Variants in LINGO2 observed in about 807,000 individuals in gnomAD.
The protein encoded by LINGO2 is leucine-rich repeat and immunoglobulin-like domain-containing nogo receptor-interacting protein 2.
In LINGO2, 14 loss-of-function variants were observed where a neutral mutation model predicts 30.6. That is an observed-to-expected ratio of 0.46 (90% confidence interval 0.30 to 0.72). The LOEUF (loss-of-function observed/expected upper bound fraction) is 0.72. Among genes scored for constraint, LINGO2 ranks in the 30% least tolerant of loss-of-function variants. The probability of loss-of-function intolerance (pLI) is 0.07; values close to 1 mark genes in which losing one functional copy is unlikely to be tolerated. For missense variants in LINGO2, 729 were observed against 751.7 expected (o/e 0.97, Z 0.35); for synonymous variants, 317 against 288.5 (o/e 1.10, Z -1.00).
intron 2 of LINGO2, among the ~76,000 whole-genome samples, chr9:28,397,705 G>A (rs942253925): frequency 1.3e-5 from 2 of 151,682 alleles, no homozygotes; most frequent in South Asian, 2.1e-4. Context: ...CCGCCACCAC[G>A]CCCAGCTAAT....
rs1276314770 is a variant in LINGO2, at chr9:28,535,876, T to C, written c.-364-59851A>G. Among the ~76,000 whole-genome samples, 6 of 152,276 alleles carry C rather than the reference T, an allele frequency of 3.9e-5. No homozygotes were observed. The East Asian group carries it at 1.2e-3, about 29-fold the overall frequency. On this transcript the variant is annotated intron_variant, in intron 1 of 5. Transcript: ENST00000379992. ...ATAATCTTGACGTTTCAGAGGAGGATTTAAACTTTTCACCTGGATTTGTAA... is the reference window on the plus strand; with the variant it reads ...ATAATCTTGACGTTTCAGAGGAGGACTTAAACTTTTCACCTGGATTTGTAA...
intron 1 of LINGO2, among the ~76,000 whole-genome samples, chr9:28,539,034 T>C (rs1821561890): frequency 6.6e-6 from 1 of 152,080 alleles, no homozygotes; most frequent in Non-Finnish European, 1.5e-5. Context: ...ATTTTTCAAT[T>C]ATATTTTTCT....
At chr9:28,764,543 G>C in the LINGO2 span, among the ~76,000 whole-genome samples, 1 of 151,790 alleles carries the variant, frequency 6.6e-6, no homozygotes, top group African/African-American at 2.4e-5. Flanking sequence ...ACATCTAATA[G>C]GATAATCAAC....
chr9:29,150,650 A>T, the LINGO2 span, among the ~76,000 whole-genome samples: 1 of 152,172 alleles, frequency 6.6e-6, no homozygotes, highest in Non-Finnish European at 1.5e-5. Context: ...ACCAGAACAG[A>T]CCAAGCTGAG....
the LINGO2 span, among the ~76,000 whole-genome samples, chr9:29,056,156 G>A: frequency 9.2e-5 from 14 of 151,804 alleles, no homozygotes; most frequent in Admixed American, 8.5e-4. Context: ...GGATCAAATG[G>A]TAGTTCTTTA....
chr9:28,331,703 A>T (rs1331922), intron 3 of LINGO2, among the ~76,000 whole-genome samples: 1 of 151,824 alleles, frequency 6.6e-6, no homozygotes, highest in Non-Finnish European at 1.5e-5. Flanking sequence ...ACAGAGTTTC[A>T]CCATGTTGCC....
chr9:28,319,153 C>T (rs1289165155), intron 3 of LINGO2, among the ~76,000 whole-genome samples: 3 of 152,200 alleles, frequency 2.0e-5, no homozygotes, highest in Admixed American at 2.0e-4. Context: ...AGGATCTACA[C>T]ATGAAATCAA....
chr9:28,924,960 C>T, the LINGO2 span, among the ~76,000 whole-genome samples: 15 of 152,100 alleles, frequency 9.9e-5, no homozygotes, highest in Non-Finnish European at 1.9e-4. Context: ...TGTCTTTCTT[C>T]CTCCCTTCAC....
At chr9:28,967,730 G>C in the LINGO2 span, among the ~76,000 whole-genome samples, 1 of 152,148 alleles carries the variant, frequency 6.6e-6, no homozygotes, top group African/African-American at 2.4e-5. Flanking sequence ...GACAAGGTTA[G>C]GATGTATTTC....
At chr9:28,083,698 T>G (rs1825834281) in intron 4 of LINGO2, among the ~76,000 whole-genome samples, 1 of 152,164 alleles carries the variant, frequency 6.6e-6, no homozygotes. Flanking sequence ...TTTCTCAACT[T>G]TTGTTACCGA....
At chr9:28,758,335 G>A in the LINGO2 span, among the ~76,000 whole-genome samples, 10 of 152,158 alleles carry the variant, frequency 6.6e-5, no homozygotes, top group Admixed American at 2.0e-4. Flanking sequence ...AGTCAAAGCA[G>A]AATGTTATGT....
At chr9:29,092,078 C>A in the LINGO2 span, among the ~76,000 whole-genome samples, 1 of 151,964 alleles carries the variant, frequency 6.6e-6, no homozygotes, top group Non-Finnish European at 1.5e-5. Context: ...GTACTGAGTA[C>A]ATATTACATT....
At chr9:28,530,536 A>C (rs1161979667) in intron 1 of LINGO2, among the ~76,000 whole-genome samples, 1 of 152,180 alleles carries the variant, frequency 6.6e-6, no homozygotes, top group African/African-American at 2.4e-5. Flanking sequence ...TAACAGTATA[A>C]AGTTGTTTCT....
At chr9:28,052,613 A>G (rs1429128318) in intron 4 of LINGO2, among the ~76,000 whole-genome samples, 3 of 152,008 alleles carry the variant, frequency 2.0e-5, no homozygotes. Context: ...TCTCATATAA[A>G]CTTATGTCAT....
At chr9:28,025,709 A>G (rs750953628) in intron 4 of LINGO2, among the ~76,000 whole-genome samples, 2 of 152,142 alleles carry the variant, frequency 1.3e-5, no homozygotes, top group Non-Finnish European at 2.9e-5. Context: ...AGCTAGGAGA[A>G]TTGTTAGATC....
chr9:28,862,274 G>T, the LINGO2 span, among the ~76,000 whole-genome samples: 5 of 151,996 alleles, frequency 3.3e-5, no homozygotes, highest in Non-Finnish European at 7.4e-5. Flanking sequence ...ATCAGACAAG[G>T]AATGGTAATA....
chr9:29,081,243 T>C, the LINGO2 span, among the ~76,000 whole-genome samples: 29,967 of 151,932 alleles, frequency 0.2, 3,089 homozygotes, highest in African/African-American at 0.24. Flanking sequence ...CAAGTGGGCT[T>C]CATCCATCCC....
the LINGO2 span, among the ~76,000 whole-genome samples, chr9:28,741,175 C>A: frequency 2.8e-4 from 43 of 152,088 alleles, 1 homozygote; most frequent in South Asian, 8.7e-3. Context: ...TGAGATAGAC[C>A]TGGATTGTGT....
intron 4 of LINGO2, among the ~76,000 whole-genome samples, chr9:28,225,007 T>A (rs1268397484): frequency 6.6e-6 from 1 of 152,028 alleles, no homozygotes; most frequent in Non-Finnish European, 1.5e-5. Context: ...ACCAAGAACA[T>A]ACCTTGAAGA....
Sources: allele counts gnomAD v4.1 joint callset (sites outside exome capture counted in the v4.1 genomes callset), GRCh38; gene constraint gnomAD v4.1.1; transcripts MANE v1.5; gene names NCBI Gene and HGNC (gene_info 2026-07-23, HGNC 2026-07-21).